Variants in ASB8 observed in about 807,000 individuals in gnomAD.
ASB8 encodes the protein ankyrin repeat and SOCS box containing 8, also known as ankyrin repeat and SOCS box protein 8.
In ASB8, 15 loss-of-function variants were observed where a neutral mutation model predicts 22.9. The observed-to-expected ratio is 0.66, with a 90% confidence interval of 0.44 to 1.01. ASB8 has a LOEUF of 1.01. Ranked by LOEUF, ASB8 falls within the 50% of genes least tolerant of loss-of-function variation. The probability of loss-of-function intolerance (pLI) is 0.00; values close to 1 mark genes in which losing one functional copy is unlikely to be tolerated. For missense variants in ASB8, 294 were observed against 356.9 expected, an observed-to-expected ratio of 0.82 and a Z score of 1.42; for synonymous variants, 124 against 140.8, an observed-to-expected ratio of 0.88 and a Z score of 0.84.
intron 2 of ASB8, 87 bp from the exon 3 acceptor site, chr12:48,151,392 G>A (rs1349490464): frequency 4.4e-6 from 5 of 1,128,670 alleles, no homozygotes; most frequent in Non-Finnish European, 6.4e-6. Flanking sequence ...AGGGGACAGA[G>A]AGTTCTAACT....
chr12:48,151,809 TAGTATC>T (rs1399843430), intron 2 of ASB8: 3 of 405,948 alleles, frequency 7.4e-6, no homozygotes, highest in African/African-American at 4.2e-5. Flanking sequence ...AGTAGCCTCT[TAGTATC>T]AGTATTCTTT....
intron 1 of ASB8, 180 bp from the exon 2 acceptor site, chr12:48,153,709 A>G: frequency 2.2e-6 from 1 of 451,130 alleles, no homozygotes; most frequent in Non-Finnish European, 4.0e-6. Flanking sequence ...AAACCTGGAC[A>G]CAAATGTTCT....
intron 2 of ASB8, chr12:48,152,757 A>G (rs1433198474): frequency 6.6e-6 from 1 of 152,258 alleles, no homozygotes; most frequent in Non-Finnish European, 1.5e-5. Context: ...GACTTTGGGA[A>G]CCCAAGGCAG....
intron 2 of ASB8, among the ~76,000 whole-genome samples, chr12:48,152,301 T>G (rs1221340147): frequency 1.3e-5 from 2 of 152,210 alleles, no homozygotes; most frequent in Non-Finnish European, 2.9e-5. Context: ...TAACACTGCA[T>G]GACTTTTCCT....
chr12:48,150,873 G>A (rs576642573), intron 3 of ASB8: 42 of 453,750 alleles, frequency 9.3e-5, no homozygotes, highest in Middle Eastern at 1.2e-3. Flanking sequence ...AAGATTAAAC[G>A]GAAATATAAA....
At chr12:48,150,613 G>C (rs980074199) in intron 3 of ASB8, among the ~76,000 whole-genome samples, 1 of 152,142 alleles carries the variant, frequency 6.6e-6, no homozygotes, top group Non-Finnish European at 1.5e-5. Flanking sequence ...AAAGCAGCTG[G>C]CTTGCTGACA....
intron 2 of ASB8, 94 bp downstream of exon 2, chr12:48,153,274 T>C: frequency 6.8e-7 from 1 of 1,480,532 alleles, no homozygotes; most frequent in African/African-American, 1.4e-5. Context: ...CTCCCTGTGA[T>C]CTTGGGTTGA....
intron 2 of ASB8, 163 bp downstream of exon 2, chr12:48,153,205 C>G (rs1951230008): frequency 1.2e-6 from 1 of 816,112 alleles, no homozygotes; most frequent in African/African-American, 1.7e-5. Flanking sequence ...GGAAGCGAAG[C>G]AAACATAGGG....
intron 1 of ASB8, among the ~76,000 whole-genome samples, chr12:48,155,219 T>C (rs1413179392): frequency 6.6e-6 from 1 of 152,202 alleles, no homozygotes; most frequent in Non-Finnish European, 1.5e-5. Flanking sequence ...GTATCAGCTC[T>C]CTAGGTGCAA....
intron 1 of ASB8, among the ~76,000 whole-genome samples, chr12:48,155,172 G>A (rs536123530): frequency 1.3e-5 from 2 of 152,282 alleles, no homozygotes; most frequent in South Asian, 4.1e-4. Flanking sequence ...CTATGAAACA[G>A]TACATATCAA....
At chr12:48,150,048 C>T (rs1951174877) in intron 3 of ASB8, 50 bp from the exon 4 acceptor site, 1 of 1,566,860 alleles carries the variant, frequency 6.4e-7, no homozygotes, top group Non-Finnish European at 8.8e-7. Context: ...GAGAGGAAGA[C>T]AGGACAGCAG....
Position 48,153,383 on chromosome 12 carries a change from C to G in ASB8, c.114G>C (p.Glu38Asp). 6.2e-7 allele frequency: 1 copy of G among 1,613,986 alleles called. No homozygotes were observed. Among genetic ancestry groups the G allele is most frequent in the Non-Finnish European group, 8.5e-7 (1 of 1,179,884 alleles). The change falls in exon 2 of 4, where the codon GAG becomes GAC. Residue 38 changes from glutamate to aspartate, a missense_variant. Glu to Asp is a conservative substitution (Grantham distance 45). Transcript: ENST00000317697. ...AIRSFPHDNVEDLIRGGADVN... is the reference protein window; with the variant it reads ...AIRSFPHDNVDDLIRGGADVN... ...GCACACTCACCCCTCTGATGAGGTC[C>G]TCTACATTATCATGTGGGAAGGAAC...
chr12:48,149,115 C>A lies in ASB8; in HGVS notation c.*251G>T, dbSNP rs1196758570. On this transcript the variant is annotated 3_prime_UTR_variant, in exon 4 of 4. Transcript: ENST00000317697. ...TAAAGGGGAGGATTGAGGGAGACCT[C>A]TTCTTTTGCAAAATGCAATATAAAA... 3.0e-5 allele frequency: 16 copies of A among 528,140 alleles called. No homozygotes were observed. The highest frequency in any genetic ancestry group is 5.3e-5 in the Non-Finnish European group (16 of 299,988). The allele number at this position is 528,140 out of a possible 1,614,324, so 32.7% of individuals were successfully genotyped here. A position where few individuals can be genotyped will look rare whatever the true frequency, so the allele number is the denominator to read the frequency against.
intron 2 of ASB8, 151 bp from the exon 3 acceptor site, chr12:48,151,456 A>T (rs1443388688): frequency 4.1e-6 from 4 of 968,796 alleles, no homozygotes; most frequent in Non-Finnish European, 6.0e-6. Flanking sequence ...TATTAATATT[A>T]TGTCAATGTC....
rs1951141380 is a variant in ASB8 at position 48,148,669 on chromosome 12, T to TG, written c.*696_*697insC. ...GATCAATTAAAATGGTTTTTTTTTT[T>TG]TTTTTTTTTTTTTGAGACAGTTTTG... is the stretch of plus-strand genomic sequence containing the variant. On this transcript the variant is annotated 3_prime_UTR_variant, in exon 4 of 4. Coordinates refer to ENST00000317697, the MANE Select transcript of ASB8 (RefSeq NM_024095.5). 3 of 146,570 alleles carry TG rather than the reference T, an allele frequency of 2.0e-5. No individual in the cohort carries two copies. Among genetic ancestry groups the TG allele is most frequent in the African/African-American group, 7.6e-5 (3 of 39,624 alleles). 9.1% of individuals were successfully genotyped at this position (146,570 alleles called of 1,614,324 possible). A position where few individuals can be genotyped will look rare whatever the true frequency, so the allele number is the denominator to read the frequency against.
At chr12:48,151,545 G>A in intron 2 of ASB8, 1 of 1,442,310 alleles carries the variant, frequency 6.9e-7, no homozygotes, top group East Asian at 2.6e-5. Context: ...TCTCCACAAG[G>A]GAGGCTGCCA....
chr12:48,151,429 G>T, intron 2 of ASB8, 124 bp from the exon 3 acceptor site: 1 of 963,200 alleles, frequency 1.0e-6, no homozygotes, highest in Non-Finnish European at 1.5e-6. Flanking sequence ...TACAGTGCTA[G>T]TTCCTGTTTC....
In ASB8 at chr12:48,148,451, A is replaced by G. The variant is rs1951136392; in HGVS notation, c.*915T>C. The G allele has an allele frequency of 6.6e-6, 1 of 152,096 alleles. No homozygotes were observed. The highest frequency in any genetic ancestry group is 2.4e-5 in the African/African-American group (1 of 41,408). 9.4% of individuals were successfully genotyped at this position (152,096 alleles called of 1,614,324 possible). ...TGTAGCCCTTGGGCACAACCAACAG[A>G]AAGAGGCAAAGACTGCTGTTTCCTT... On this transcript the variant is annotated 3_prime_UTR_variant, in exon 4 of 4. Coordinates refer to ENST00000317697, the MANE Select transcript of ASB8 (RefSeq NM_024095.5).
At chr12:48,156,971 A>G (rs1212142727) in intron 1 of ASB8, among the ~76,000 whole-genome samples, 1 of 143,728 alleles carries the variant, frequency 7.0e-6, no homozygotes, top group African/African-American at 2.7e-5. Flanking sequence ...ACCAAAGGGC[A>G]CTTACTGAGA....
Sources: allele counts gnomAD v4.1 joint callset (sites outside exome capture counted in the v4.1 genomes callset), GRCh38; gene constraint gnomAD v4.1.1; transcripts MANE v1.5; gene names NCBI Gene and HGNC (gene_info 2026-07-23, HGNC 2026-07-21).